The following SLIT2 variants were observed in gnomAD, a reference collection of about 807,000 sequenced individuals.
SLIT2 encodes the protein slit homolog 2 protein.
In SLIT2, 41 loss-of-function variants were observed where a neutral mutation model predicts 185.7. The ratio of observed to expected loss-of-function variants is 0.22; its 90% confidence interval spans 0.17 to 0.29. The LOEUF (loss-of-function observed/expected upper bound fraction) is 0.29, where lower values mean the gene tolerates loss of function less well. Ranked by LOEUF, SLIT2 falls within the 10% of genes least tolerant of loss-of-function variation. The pLI is 1.00. For missense variants in SLIT2, 1,571 were observed against 1,909.0 expected (o/e 0.82, Z 3.30); for synonymous variants, 693 against 680.2 (o/e 1.02, Z -0.29).
intron 4 of SLIT2, among the ~76,000 whole-genome samples, chr4:20,292,978 G>A (rs185834033): frequency 1.4e-4 from 21 of 152,290 alleles, no homozygotes; most frequent in East Asian, 3.9e-4. Flanking sequence ...GGGTATCTGC[G>A]AAGGCAATAG....
intron 21 of SLIT2, among the ~76,000 whole-genome samples, chr4:20,544,560 A>G (rs1723089945): frequency 6.6e-6 from 1 of 152,110 alleles, no homozygotes; most frequent in South Asian, 2.1e-4. Flanking sequence ...TTTTGAATTC[A>G]AGTTTTACCC....
At chr4:20,369,216 T>C (rs561573922) in intron 4 of SLIT2, among the ~76,000 whole-genome samples, 1 of 152,220 alleles carries the variant, frequency 6.6e-6, no homozygotes, top group African/African-American at 2.4e-5. Flanking sequence ...TTGTGTGCTG[T>C]CTCTGTCCTC....
chr4:20,526,405 TA>T (rs1721302653), intron 15 of SLIT2, among the ~76,000 whole-genome samples: 1 of 152,070 alleles, frequency 6.6e-6, no homozygotes, highest in Non-Finnish European at 1.5e-5. Flanking sequence ...TTTACCCAAT[TA>T]AGTGGAAAGT....
At chr4:20,575,877 A>G (rs1018950442) in intron 29 of SLIT2, among the ~76,000 whole-genome samples, 4 of 151,928 alleles carry the variant, frequency 2.6e-5, no homozygotes, top group African/African-American at 9.7e-5. Context: ...TTTATCCCAT[A>G]AGGCAGGTGG....
chr4:20,553,795 GT>G lies in SLIT2; in HGVS notation c.2562-5del. The G allele has an allele frequency of 6.4e-7, 1 of 1,557,506 alleles. No individual in the cohort carries two copies. On this transcript the variant is annotated splice_polypyrimidine_tract_variant and intron_variant, in intron 25 of 36. Transcript: ENST00000504154. ...TATGTGTGTGTGCTTCTGTGGTGTT[GT>G]TTTTCCAGAGCAATTGGAGCCAACC...
chr4:20,443,537 A>G (rs1264459072), intron 4 of SLIT2, among the ~76,000 whole-genome samples: 1 of 148,412 alleles, frequency 6.7e-6, no homozygotes, highest in Non-Finnish European at 1.5e-5. Context: ...TTATTGAACC[A>G]TAGCTGAAGT....
chr4:20,378,289 G>A (rs1021971298), intron 4 of SLIT2, among the ~76,000 whole-genome samples: 7 of 152,082 alleles, frequency 4.6e-5, no homozygotes, highest in African/African-American at 1.7e-4. Flanking sequence ...TTTATTTGAG[G>A]AGTGAAGAAA....
chr4:20,553,729 C>T, intron 25 of SLIT2, 76 bp from the exon 26 acceptor site: 1 of 1,214,976 alleles, frequency 8.2e-7, no homozygotes, highest in East Asian at 2.7e-5. Flanking sequence ...AACAATACTT[C>T]CATACTTGTG....
Position 20,273,921 on chromosome 4 carries a change from C to T in SLIT2, c.395+5040C>T, listed in dbSNP as rs547916143. The stretch of plus-strand genomic sequence containing the variant: ...TGTTTGGCCCCTGCCACAATAAATC[C>T]GACTGTGATTGTGCAGGAATTGCAG... On this transcript the variant is annotated intron_variant, in intron 4 of 36. Coordinates refer to ENST00000504154, the MANE Select transcript of SLIT2 (RefSeq NM_004787.4). Among the ~76,000 whole-genome samples the T allele has an allele frequency of 2.6e-5, 4 of 152,260 alleles. No homozygotes were observed. In the East Asian group the frequency reaches 5.8e-4, roughly 22 times the overall value.
chr4:20,531,940 A>G, intron 16 of SLIT2, 44 bp from the exon 17 acceptor site: 1 of 1,032,426 alleles, frequency 9.7e-7, no homozygotes, highest in South Asian at 1.5e-5. Context: ...ATCCTTTCCT[A>G]ACTATTGGTA....
At chr4:20,348,868 TC>T (rs1253623756) in intron 4 of SLIT2, among the ~76,000 whole-genome samples, 3 of 152,200 alleles carry the variant, frequency 2.0e-5, no homozygotes, top group Admixed American at 1.3e-4. Context: ...TTCACAGAAA[TC>T]CCAGTGAGAA....
intron 29 of SLIT2, among the ~76,000 whole-genome samples, chr4:20,587,361 G>A (rs1204367985): frequency 1.3e-5 from 2 of 152,092 alleles, no homozygotes; most frequent in African/African-American, 4.8e-5. Context: ...TCTTACTAAG[G>A]TCAGGTGTAT....
At chr4:20,510,648 G>A (rs1416102806) in intron 10 of SLIT2, 82 bp downstream of exon 10, 17 of 798,620 alleles carry the variant, frequency 2.1e-5, no homozygotes, top group Non-Finnish European at 3.1e-5. Context: ...TTAAGTATGA[G>A]TATATAAGTG....
chr4:20,357,411 CTT>C (rs1722411639), intron 4 of SLIT2, among the ~76,000 whole-genome samples: 1 of 152,066 alleles, frequency 6.6e-6, no homozygotes, highest in Non-Finnish European at 1.5e-5. Context: ...GCTATTTTCT[CTT>C]TTCATATTAT....
intron 4 of SLIT2, among the ~76,000 whole-genome samples, chr4:20,414,740 A>C (rs1727523330): frequency 6.6e-6 from 1 of 152,236 alleles, no homozygotes; most frequent in East Asian, 1.9e-4. Flanking sequence ...TAAACTATTA[A>C]TATTCTTGAA....
intron 4 of SLIT2, among the ~76,000 whole-genome samples, chr4:20,269,238 A>G (rs2208946): frequency 0.46 from 69,906 of 151,586 alleles, 17,702 homozygotes; most frequent in East Asian, 0.87. Flanking sequence ...GTGTGTTCTT[A>G]TAAAGTTGAG....
At chr4:20,456,935 A>G (rs1031186255) in intron 4 of SLIT2, among the ~76,000 whole-genome samples, 2 of 152,088 alleles carry the variant, frequency 1.3e-5, no homozygotes, top group Non-Finnish European at 2.9e-5. Flanking sequence ...ACCTGATTTC[A>G]TTAAAGATAT....
chr4:20,393,953 C>T (rs919370658), intron 4 of SLIT2, among the ~76,000 whole-genome samples: 3 of 151,934 alleles, frequency 2.0e-5, no homozygotes, highest in African/African-American at 7.3e-5. Flanking sequence ...TCAATCACGT[C>T]CTGTTGTGGT....
intron 4 of SLIT2, among the ~76,000 whole-genome samples, chr4:20,405,293 G>T (rs1042610673): frequency 1.3e-5 from 2 of 151,884 alleles, no homozygotes; most frequent in African/African-American, 4.8e-5. Flanking sequence ...CACTGAGTAT[G>T]TCCTGCTTCC....
Sources: gnomAD v4.1 joint callset for allele counts (sites outside exome capture counted in the v4.1 genomes callset) on GRCh38, gnomAD v4.1.1 for gene constraint, MANE v1.5 for transcripts, NCBI Gene and HGNC (gene_info 2026-07-23, HGNC 2026-07-21) for gene names.